CLCNKB: variants seen among roughly 807,000 people sequenced by gnomAD.
The protein encoded by CLCNKB is chloride channel protein ClC-Kb.
A neutral mutation model predicts 83.8 loss-of-function variants in CLCNKB; 74 were observed. The ratio of observed to expected loss-of-function variants is 0.88; its 90% CI spans 0.73 to 1.07. CLCNKB has a LOEUF of 1.07. Ranked by LOEUF, CLCNKB falls within the 50% of genes least tolerant of loss-of-function variation. CLCNKB has a pLI of 0.00. For synonymous variants in CLCNKB, 358 were observed against 356.6 expected (o/e 1.00, Z -0.04); for missense variants, 798 against 893.6 (o/e 0.89, Z 1.36).
Position 16,049,834 on chromosome 1 carries a change from G to A in CLCNKB, c.886G>A (p.Gly296Ser), listed in dbSNP as rs773540554. ...VALGGLCGILGSAYLFCQRIF... is the reference protein window; with the variant it reads ...VALGGLCGILSSAYLFCQRIF... ...CCCCAGGGGTCTCTGTGGCATCCTG[G>A]GCAGCGCTTACCTCTTCTGTCAGCG... Residue 296 changes from glycine to serine, a missense_variant, in exon 10 of 20, where the codon GGC (glycine) becomes AGC (serine). Gly to Ser is a moderately conservative substitution (Grantham distance 56). Coordinates refer to ENST00000375679, the MANE Select transcript of CLCNKB (RefSeq NM_000085.5). 48 of 1,613,700 alleles carry A rather than the reference G, an allele frequency of 3.0e-5. No individual in the cohort carries two copies. Among genetic ancestry groups the A allele is most frequent in the South Asian group, 2.0e-4 (18 of 91,074 alleles).
rs1421114018 is a variant in CLCNKB at position 16,053,764 on chromosome 1, A to G, written c.1748A>G (p.Glu583Gly). The change falls in exon 16 of 20, where the codon GAG becomes GGG. Residue 583 changes from glutamate (E) to glycine (G), a missense_variant. By Grantham distance (98) the Glu-to-Gly change is moderately conservative (BLOSUM62 -2). Transcript: ENST00000375679. ...STDVAKYPLV[E>G]STESQILVGI... is the part of the protein sequence containing the mutation. ...GACGTGGCCAAGTATCCCCTGGTGGAGAGCACAGGTGCCCAGCCGGAAGGG... is the reference window on the plus strand; with the variant it reads ...GACGTGGCCAAGTATCCCCTGGTGGGGAGCACAGGTGCCCAGCCGGAAGGG... The G allele has an allele frequency of 1.2e-6, 2 of 1,613,618 alleles. No homozygotes were observed. Among genetic ancestry groups the G allele is most frequent in the Admixed American group, 1.7e-5 (1 of 59,986 alleles).
At chr1:16,048,841 C>A (rs2023187333) in intron 7 of CLCNKB, 1 of 1,440,634 alleles carries the variant, frequency 6.9e-7, no homozygotes, top group Non-Finnish European at 9.1e-7. Context: ...GCCCGTTGGC[C>A]TCTCTGAGCC....
intron 10 of CLCNKB, 39 bp downstream of exon 10, chr1:16,049,955 C>T: frequency 8.7e-7 from 1 of 1,145,418 alleles, no homozygotes; most frequent in Non-Finnish European, 1.1e-6. Flanking sequence ...TCTCAGCGAG[C>T]TCCCCCCTCA....
rs2023249070 is a variant in CLCNKB, at chr1:16,050,382, C to T, written c.969-134C>T. The T allele has an allele frequency of 1.2e-5, 12 of 962,828 alleles. No individual in the cohort carries two copies. The South Asian group carries it at 1.4e-4, about 11-fold the overall frequency. The allele number at this position is 962,828 out of a possible 1,614,324, so 59.6% of individuals were successfully genotyped here. A position where few individuals can be genotyped will look rare whatever the true frequency, so the allele number is the denominator to read the frequency against. ...TGGGGCTGACCCCACAGGTTCTGTCCCCTGGAGCTGGCCCAGTCCATGTCC... is the reference window on the plus strand; with the variant it reads ...TGGGGCTGACCCCACAGGTTCTGTCTCCTGGAGCTGGCCCAGTCCATGTCC... On this transcript the variant is annotated intron_variant, in intron 10 of 19. Coordinates refer to ENST00000375679, the MANE Select transcript of CLCNKB (RefSeq NM_000085.5).
chr1:16,055,480 A>G lies in CLCNKB; in HGVS notation c.1802A>G (p.Gln601Arg), dbSNP rs754834817. The change falls in exon 17 of 20, where the codon CAG (glutamine) becomes CGG (arginine). Residue 601 changes from glutamine to arginine, a missense_variant. By Grantham distance (43) the Gln-to-Arg change is conservative. Transcript: ENST00000375679. ...ATAGTGCGAAGGGCCCAGCTGGTGC[A>G]GGCCCTGAAGGCTGAGCCTCCTTCC... ...VGIVRRAQLVQALKAEPPSWA... is the reference protein window; with the variant it reads ...VGIVRRAQLVRALKAEPPSWA... The G allele has an allele frequency of 6.3e-7, 1 of 1,588,094 alleles. No homozygotes were observed. The highest frequency in any genetic ancestry group is 1.1e-5 in the South Asian group (1 of 90,554).
At position 16,051,552 on chromosome 1, in the gene CLCNKB, G is replaced by A; in HGVS notation, c.1297+5G>A. 6.2e-7 allele frequency: 1 copy of A among 1,614,058 alleles called. No individual in the cohort carries two copies. Among genetic ancestry groups the A allele is most frequent in the South Asian group, 1.1e-5 (1 of 91,084 alleles). On this transcript the variant is annotated splice_donor_5th_base_variant and intron_variant, in intron 13 of 19. Coordinates refer to ENST00000375679, the MANE Select transcript of CLCNKB (RefSeq NM_000085.5). ...TCATGCCCATCTTTGTCTATGGTGA[G>A]TCTGGGGTCCTGAGGTTCTGAGAGT... is the stretch of plus-strand genomic sequence containing the variant.
intron 3 of CLCNKB, 83 bp downstream of exon 3, chr1:16,045,769 C>T: frequency 2.9e-6 from 3 of 1,030,110 alleles, no homozygotes; most frequent in South Asian, 2.5e-5. Flanking sequence ...TCGCCAGGTG[C>T]AGCGGAGGTT....
Position 16,055,325 on chromosome 1 carries a change from A to G in CLCNKB, c.1757-110A>G, listed in dbSNP as rs776639470. Reference sequence around the variant, plus strand: ...TTTATAATGGGTGACAATAGTCACAATAGCCCCATAGGAACACCAGAACAG... The same window carrying G: ...TTTATAATGGGTGACAATAGTCACAGTAGCCCCATAGGAACACCAGAACAG... On this transcript the variant is annotated intron_variant, in intron 16 of 19. Coordinates refer to ENST00000375679, the MANE Select transcript of CLCNKB (RefSeq NM_000085.5). 16 of 879,698 alleles carry G rather than the reference A, an allele frequency of 1.8e-5. No individual in the cohort carries two copies. In the Middle Eastern group the frequency reaches 6.4e-4, roughly 35 times the overall value. 54.5% of individuals were successfully genotyped at this position (879,698 alleles called of 1,614,324 possible).
At chr1:16,054,757 T>A (rs1304922259) in intron 16 of CLCNKB, among the ~76,000 whole-genome samples, 1 of 152,068 alleles carries the variant, frequency 6.6e-6, no homozygotes, top group African/African-American at 2.4e-5. Flanking sequence ...AGTCCTCTTT[T>A]ACCCTCAGAG....
At chr1:16,046,693 AC>A (rs2023113953) in intron 4 of CLCNKB, 30 bp downstream of exon 4, 17 of 1,538,972 alleles carry the variant, frequency 1.1e-5, no homozygotes, top group Non-Finnish European at 1.5e-5. Context: ...GCCAGTCCCC[AC>A]TGGCCAAAAC....
At chr1:16,052,047 A>C in intron 14 of CLCNKB, 151 bp from the exon 15 acceptor site, 2 of 1,078,266 alleles carry the variant, frequency 1.9e-6, no homozygotes, top group Non-Finnish European at 2.7e-6. Context: ...CTCTCCTCTC[A>C]CCAAGCCCAG....
intron 5 of CLCNKB, 64 bp downstream of exon 5, chr1:16,048,108 C>A: frequency 6.4e-7 from 1 of 1,571,384 alleles, no homozygotes. Context: ...GTCTCACCCC[C>A]ATCACCCCAC....
In CLCNKB at chr1:16,055,404, G is replaced by A. The variant is rs148937901; in HGVS notation, c.1757-31G>A. 2.8e-3 allele frequency: 4,351 copies of A among 1,577,124 alleles called. 50 individuals carry two copies. In the Middle Eastern group the frequency reaches 0.037, roughly 13 times the overall value. The stretch of plus-strand genomic sequence containing the variant: ...GTGAGTCCCTGTTTCCTCCTAATGT[G>A]CCTCCCTCTGGCTGTCTCTCCACTT... On this transcript the variant is annotated intron_variant, in intron 16 of 19. Coordinates refer to ENST00000375679, the MANE Select transcript of CLCNKB (RefSeq NM_000085.5).
chr1:16,044,659 C>A (rs1050863925), intron 2 of CLCNKB, 67 bp downstream of exon 2: 106 of 1,332,148 alleles, frequency 8.0e-5, no homozygotes, highest in Middle Eastern at 1.8e-4. Context: ...GCCCAGCTCC[C>A]ACCCCACCTC....
chr1:16,052,689 G>A (rs1360686579), intron 15 of CLCNKB, among the ~76,000 whole-genome samples: 1 of 152,182 alleles, frequency 6.6e-6, no homozygotes, highest in Non-Finnish European at 1.5e-5. Context: ...GGGGCTCAGA[G>A]AGGTGCCGTG....
chr1:16,053,682 A>G lies in CLCNKB; in HGVS notation c.1666A>G (p.Thr556Ala). 1 of 1,613,900 alleles carries G rather than the reference A, an allele frequency of 6.2e-7. No homozygotes were observed. Among genetic ancestry groups the G allele is most frequent in the Non-Finnish European group, 8.5e-7 (1 of 1,179,994 alleles). ...RVEHFMNHSI[T>A]TLAKDMPLEE... The stretch of plus-strand genomic sequence containing the variant: ...GGAGCACTTCATGAACCACAGCATC[A>G]CCACACTGGCCAAGGACATGCCACT... The change falls in exon 16 of 20, where the codon ACC becomes GCC. Residue 556 changes from threonine (T) to alanine (A), a missense_variant. Coordinates refer to ENST00000375679, the MANE Select transcript of CLCNKB (RefSeq NM_000085.5).
chr1:16,056,490 C>T lies in CLCNKB; in HGVS notation c.1998C>T (p.Gly666=), dbSNP rs112778489. The T allele has an allele frequency of 6.3e-7, 1 of 1,578,866 alleles. No homozygotes were observed. Among genetic ancestry groups the T allele is most frequent in the East Asian group, 2.4e-5 (1 of 41,592 alleles). ...LFVTSRGRAV[G]CVSWVEMKKA... is the part of the protein sequence containing the mutation. ...TGACGTCGCGGGGCAGAGCTGTGGG[C>T]TGCGTGTCCTGGGTGGAGGTACCAG... Residue 666 remains glycine (G), a synonymous_variant, in exon 19 of 20, where the codon GGC becomes GGT. Transcript: ENST00000375679.
intron 19 of CLCNKB, 140 bp from the exon 20 acceptor site, chr1:16,056,729 G>T (rs1250752794): frequency 1.3e-5 from 12 of 945,786 alleles, no homozygotes; most frequent in Non-Finnish European, 2.0e-5. Flanking sequence ...CTCGGCCTCA[G>T]TGATCCCATC....
Position 16,056,457 on chromosome 1 carries a change from C to A in CLCNKB, c.1965C>A (p.Ser655=), listed in dbSNP as rs2023443717. The A allele has an allele frequency of 6.2e-7, 1 of 1,613,934 alleles. No homozygotes were observed. Among genetic ancestry groups the A allele is most frequent in the African/African-American group, 1.3e-5 (1 of 74,860 alleles). The change falls in exon 19 of 20, where the codon TCC becomes TCA. Residue 655 remains serine (S), a synonymous_variant. Coordinates refer to ENST00000375679, the MANE Select transcript of CLCNKB (RefSeq NM_000085.5). ...HNLFELLNLH[S]LFVTSRGRAV... is the part of the protein sequence containing the mutation. ...TCTTTGAGCTGTTGAACCTTCATTC[C>A]CTCTTTGTGACGTCGCGGGGCAGAG... is the stretch of plus-strand genomic sequence containing the variant.
Sources: gnomAD v4.1 joint callset for allele counts (sites outside exome capture counted in the v4.1 genomes callset) on GRCh38, gnomAD v4.1.1 for gene constraint, MANE v1.5 for transcripts, NCBI Gene and HGNC (gene_info 2026-07-23, HGNC 2026-07-21) for gene names.